OPCML: variants seen among roughly 807,000 people sequenced by gnomAD.
The protein encoded by OPCML is opioid binding protein/cell adhesion molecule like.
OPCML carries 13 observed loss-of-function variants against 37.8 expected under a neutral mutation model. That is an observed-to-expected ratio of 0.34 (90% CI 0.22 to 0.55). The LOEUF is 0.55. OPCML is among the 20% of genes least tolerant of loss of function. The probability of loss-of-function intolerance (pLI) is 0.91; values close to 1 mark genes in which losing one functional copy is unlikely to be tolerated. For missense variants in OPCML, 341 were observed against 435.6 expected (o/e 0.78, Z 1.93); for synonymous variants, 176 against 168.8 (o/e 1.04, Z -0.33).
At chr11:132,778,961 CTT>C (rs10657036) in intron 2 of OPCML, among the ~76,000 whole-genome samples, 29 of 87,922 alleles carry the variant, frequency 3.3e-4, no homozygotes, top group African/African-American at 1.1e-3. Flanking sequence ...TGGTATATTT[CTT>C]TTTTTTTTTT....
intron 4 of OPCML, among the ~76,000 whole-genome samples, chr11:132,503,784 G>GA (rs1053998177): frequency 4.0e-5 from 6 of 151,496 alleles, no homozygotes; most frequent in African/African-American, 1.2e-4. Flanking sequence ...AATGAGGTCA[G>GA]AAAAAATGAA....
intron 1 of OPCML, among the ~76,000 whole-genome samples, chr11:133,291,374 C>T (rs554206623): frequency 1.3e-5 from 2 of 152,280 alleles, no homozygotes; most frequent in Admixed American, 1.3e-4. Flanking sequence ...GAGAGATGAG[C>T]CCTGCGTCCA....
chr11:133,432,806 G>A (rs1335305109), intron 1 of OPCML, among the ~76,000 whole-genome samples: 1 of 152,104 alleles, frequency 6.6e-6, no homozygotes, highest in African/African-American at 2.4e-5. Context: ...CTGTGGGAAT[G>A]TTGCATTTTT....
At chr11:132,870,023 G>A (rs182813290) in intron 2 of OPCML, among the ~76,000 whole-genome samples, 103 of 152,104 alleles carry the variant, frequency 6.8e-4, no homozygotes, top group Non-Finnish European at 1.1e-3. Flanking sequence ...ATCATGTAAC[G>A]CCCCTTCCCT....
intron 2 of OPCML, among the ~76,000 whole-genome samples, chr11:132,661,911 AG>A (rs1419721604): frequency 6.6e-6 from 1 of 152,222 alleles, no homozygotes. Flanking sequence ...ATAAGAAAAA[AG>A]GAAAGCTATC....
intron 1 of OPCML, among the ~76,000 whole-genome samples, chr11:132,963,524 G>A (rs1447605084): frequency 2.6e-5 from 4 of 151,422 alleles, no homozygotes; most frequent in East Asian, 2.0e-4. Context: ...CCCAGGAGGC[G>A]GAGGTTGCAG....
intron 2 of OPCML, among the ~76,000 whole-genome samples, chr11:132,721,813 A>G (rs916061463): frequency 9.2e-5 from 14 of 152,078 alleles, no homozygotes; most frequent in Non-Finnish European, 1.2e-4. Context: ...CTTTCAAGAC[A>G]TCTGGAAGTG....
chr11:133,329,579 G>A (rs1258855664), intron 1 of OPCML, among the ~76,000 whole-genome samples: 1 of 152,114 alleles, frequency 6.6e-6, no homozygotes, highest in Non-Finnish European at 1.5e-5. Flanking sequence ...AACAAGCAAT[G>A]AATGGGGAAA....
intron 1 of OPCML, among the ~76,000 whole-genome samples, chr11:133,051,346 G>T (rs984420851): frequency 6.6e-6 from 1 of 152,080 alleles, no homozygotes; most frequent in African/African-American, 2.4e-5. Flanking sequence ...TCTGCATCTT[G>T]CCTGAAGTCT....
chr11:133,463,314 T>A (rs1157754137), intron 1 of OPCML, among the ~76,000 whole-genome samples: 1 of 152,038 alleles, frequency 6.6e-6, no homozygotes, highest in Non-Finnish European at 1.5e-5. Flanking sequence ...ATAAAAGTTT[T>A]GGAGATGGAT....
chr11:133,269,617 G>A (rs1941763796), intron 1 of OPCML, among the ~76,000 whole-genome samples: 1 of 152,090 alleles, frequency 6.6e-6, no homozygotes, highest in East Asian at 1.9e-4. Flanking sequence ...TTCACTTAAA[G>A]CCACCTGCTA....
chr11:132,491,433 C>T (rs2096215271), intron 4 of OPCML, among the ~76,000 whole-genome samples: 1 of 152,256 alleles, frequency 6.6e-6, no homozygotes, highest in African/African-American at 2.4e-5. Context: ...CTTGCTCAGA[C>T]AGTGTGGATT....
intron 1 of OPCML, among the ~76,000 whole-genome samples, chr11:133,061,694 C>A (rs1278402446): frequency 6.6e-6 from 1 of 152,254 alleles, no homozygotes; most frequent in East Asian, 1.9e-4. Context: ...AAAGATTTAT[C>A]CTCTCATCTT....
At chr11:133,317,067 G>A (rs1294782217) in intron 1 of OPCML, among the ~76,000 whole-genome samples, 2 of 152,122 alleles carry the variant, frequency 1.3e-5, no homozygotes, top group Non-Finnish European at 2.9e-5. Flanking sequence ...GCGTGGTGGC[G>A]AATGCCTGTA....
intron 2 of OPCML, among the ~76,000 whole-genome samples, chr11:132,744,804 G>A (rs1360772941): frequency 6.6e-6 from 1 of 152,222 alleles, no homozygotes; most frequent in Non-Finnish European, 1.5e-5. Flanking sequence ...ATAAAGTGGG[G>A]GAATGCTTCA....
chr11:133,484,067 TAG>T (rs1565660024), intron 1 of OPCML, among the ~76,000 whole-genome samples: 6 of 149,944 alleles, frequency 4.0e-5, no homozygotes, highest in Non-Finnish European at 8.9e-5. Flanking sequence ...GATAGATAGA[TAG>T]ATAGATAGAT....
chr11:132,919,468 G>A (rs934440332), intron 2 of OPCML, among the ~76,000 whole-genome samples: 1 of 152,178 alleles, frequency 6.6e-6, no homozygotes, highest in Non-Finnish European at 1.5e-5. Context: ...AGTGCTAAGT[G>A]GAATTAGGTG....
intron 4 of OPCML, among the ~76,000 whole-genome samples, chr11:132,475,403 C>A (rs1190613973): frequency 1.3e-5 from 2 of 152,172 alleles, no homozygotes. Context: ...CTGTGCCCCA[C>A]CCCCATTCTA....
intron 1 of OPCML, among the ~76,000 whole-genome samples, chr11:133,230,338 C>T (rs12365021): frequency 0.35 from 53,498 of 151,990 alleles, 10,485 homozygotes; most frequent in East Asian, 0.53. Flanking sequence ...TTTCATAAGC[C>T]CTAGATTGTG....
Sources: gnomAD v4.1 joint callset for allele counts (sites outside exome capture counted in the v4.1 genomes callset) on GRCh38, gnomAD v4.1.1 for gene constraint, MANE v1.5 for transcripts, NCBI Gene and HGNC (gene_info 2026-07-23, HGNC 2026-07-21) for gene names.